EYA4: variants seen among roughly 807,000 people sequenced by gnomAD.
EYA4 encodes EYA transcriptional coactivator and phosphatase 4.
A neutral mutation model predicts 87.9 loss-of-function variants in EYA4; 31 were observed. That is an observed-to-expected ratio of 0.35 (90% CI 0.27 to 0.48). The LOEUF is 0.48. Ranked by LOEUF, EYA4 falls within the 20% of genes least tolerant of loss-of-function variation. The probability of loss-of-function intolerance (pLI) is 0.99; values close to 1 mark genes in which losing one functional copy is unlikely to be tolerated. For synonymous variants in EYA4, 263 were observed against 270.6 expected (o/e 0.97, Z 0.28); for missense variants, 678 against 761.4 (o/e 0.89, Z 1.29).
At chr6:133,524,499 GTGTTGTCAGT>G (rs764533051) in intron 18 of EYA4, among the ~76,000 whole-genome samples, 9 of 152,172 alleles carry the variant, frequency 5.9e-5, no homozygotes, top group Non-Finnish European at 1.0e-4. Flanking sequence ...GAGGATACCA[GTGTTGTCAGT>G]ACTGTGGCCC....
In EYA4 at chr6:133,456,665, G is replaced by T; in HGVS notation, c.370+17G>T. On this transcript the variant is annotated intron_variant, in intron 6 of 19. Transcript: ENST00000355286. ...CTGGGTCAGGTAAAGCCTTTAGCTC[G>T]TGTGTCCTTACGTACACATGGGGGT... The T allele has an allele frequency of 6.6e-7, 1 of 1,524,376 alleles. No homozygotes were observed. Among genetic ancestry groups the T allele is most frequent in the Non-Finnish European group, 9.1e-7 (1 of 1,098,294 alleles). The allele number at this position is 1,524,376 out of a possible 1,614,324, so 94.4% of individuals were successfully genotyped here.
rs147143364 is a variant in EYA4, at chr6:133,432,619, A to T, written c.84-14011A>T. On this transcript the variant is annotated intron_variant, in intron 3 of 19. Coordinates refer to ENST00000355286, the MANE Select transcript of EYA4 (RefSeq NM_004100.5). ...CAACTTCAACCATTGCTTGCTATGGAGTGGAACTTTAATGGCTCCTATTCA... is the reference window on the plus strand; with the variant it reads ...CAACTTCAACCATTGCTTGCTATGGTGTGGAACTTTAATGGCTCCTATTCA... 1.7e-3 allele frequency among the ~76,000 whole-genome samples: 259 copies of T among 152,036 alleles called. 1 individual carries two copies. Among genetic ancestry groups the T allele is most frequent in the Non-Finnish European group, 2.4e-3 (166 of 67,978 alleles).
chr6:133,432,956 C>T (rs1791321716), intron 3 of EYA4, among the ~76,000 whole-genome samples: 1 of 152,178 alleles, frequency 6.6e-6, no homozygotes, highest in South Asian at 2.1e-4. Flanking sequence ...AACCCATCTA[C>T]ACACACCCAT....
At chr6:133,481,228 C>T (rs951327294) in intron 11 of EYA4, among the ~76,000 whole-genome samples, 11 of 152,068 alleles carry the variant, frequency 7.2e-5, no homozygotes, top group African/African-American at 2.4e-4. Context: ...AAGTTGAAGG[C>T]GTATGGTGTA....
intron 13 of EYA4, among the ~76,000 whole-genome samples, chr6:133,504,264 T>C (rs1798393991): frequency 6.6e-6 from 1 of 152,204 alleles, no homozygotes; most frequent in African/African-American, 2.4e-5. Flanking sequence ...ATTTGTTGGC[T>C]AAAACAGAAC....
chr6:133,358,051 A>C (rs942677451), intron 2 of EYA4, among the ~76,000 whole-genome samples: 1 of 152,154 alleles, frequency 6.6e-6, no homozygotes, highest in African/African-American at 2.4e-5. Context: ...GCAAATGTTA[A>C]AGGAAAACAA....
intron 1 of EYA4, among the ~76,000 whole-genome samples, chr6:133,262,872 C>T (rs980207776): frequency 1.3e-5 from 2 of 152,208 alleles, no homozygotes; most frequent in African/African-American, 4.8e-5. Flanking sequence ...GCAAGGTGCT[C>T]ATTACTATTC....
chr6:133,499,124 G>T (rs1797887862), intron 13 of EYA4, among the ~76,000 whole-genome samples: 1 of 152,126 alleles, frequency 6.6e-6, no homozygotes, highest in Admixed American at 6.6e-5. Context: ...CAGTTCCTTT[G>T]ATCTCAGTTG....
chr6:133,250,882 TG>T (rs1427956676), intron 1 of EYA4, among the ~76,000 whole-genome samples: 3 of 152,184 alleles, frequency 2.0e-5, no homozygotes, highest in Admixed American at 6.5e-5. Context: ...TTACTATGAT[TG>T]GGTATCTTTC....
intron 3 of EYA4, among the ~76,000 whole-genome samples, chr6:133,389,322 C>T (rs550578281): frequency 6.6e-6 from 1 of 152,300 alleles, no homozygotes; most frequent in South Asian, 2.1e-4. Context: ...ATCCAGCCAA[C>T]TAGTCCAGCC....
intron 2 of EYA4, among the ~76,000 whole-genome samples, chr6:133,380,542 G>T (rs116784888): frequency 6.0e-4 from 92 of 152,290 alleles, no homozygotes; most frequent in African/African-American, 2.1e-3. Flanking sequence ...TCCTCAGCCA[G>T]TCCCAAGGTC....
intron 3 of EYA4, among the ~76,000 whole-genome samples, chr6:133,399,091 C>T (rs1401643623): frequency 2.0e-5 from 3 of 152,140 alleles, no homozygotes; most frequent in Non-Finnish European, 4.4e-5. Context: ...TGCTGGTGCC[C>T]ACACTGGATC....
chr6:133,467,466 A>T (rs1311166816), intron 10 of EYA4, among the ~76,000 whole-genome samples: 1 of 152,030 alleles, frequency 6.6e-6, no homozygotes, highest in Non-Finnish European at 1.5e-5. Flanking sequence ...ATTTGCTACC[A>T]CTGTTTTACT....
At chr6:133,299,864 G>A (rs1041648463) in intron 2 of EYA4, among the ~76,000 whole-genome samples, 10 of 151,008 alleles carry the variant, frequency 6.6e-5, no homozygotes, top group African/African-American at 1.5e-4. Flanking sequence ...GGGGATTGGG[G>A]TGCTAACTTT....
At chr6:133,289,312 A>G (rs775256917) in intron 2 of EYA4, among the ~76,000 whole-genome samples, 2 of 152,198 alleles carry the variant, frequency 1.3e-5, no homozygotes, top group Non-Finnish European at 2.9e-5. Context: ...TTGTCCAGGC[A>G]AGATCAGGAA....
At chr6:133,519,821 G>A (rs1438457638) in intron 17 of EYA4, among the ~76,000 whole-genome samples, 1 of 150,360 alleles carries the variant, frequency 6.7e-6, no homozygotes, top group African/African-American at 2.5e-5. Flanking sequence ...TTCATCCCTG[G>A]GATGCAAGGC....
chr6:133,310,421 T>C (rs550022214), intron 2 of EYA4, among the ~76,000 whole-genome samples: 1 of 152,218 alleles, frequency 6.6e-6, no homozygotes, highest in Non-Finnish European at 1.5e-5. Context: ...GCTAATCATT[T>C]GACATATAAT....
chr6:133,319,580 C>T (rs1170425012), intron 2 of EYA4, among the ~76,000 whole-genome samples: 1 of 150,960 alleles, frequency 6.6e-6, no homozygotes, highest in African/African-American at 2.4e-5. Context: ...GCTGTATCAG[C>T]TTTCTTTTGG....
At chr6:133,365,967 T>C (rs535912436) in intron 2 of EYA4, among the ~76,000 whole-genome samples, 2 of 151,938 alleles carry the variant, frequency 1.3e-5, no homozygotes, top group Non-Finnish European at 2.9e-5. Flanking sequence ...TGAAATAGAG[T>C]TGATATAACT....
Sources: gnomAD v4.1 joint callset for allele counts (sites outside exome capture counted in the v4.1 genomes callset) on GRCh38, gnomAD v4.1.1 for gene constraint, MANE v1.5 for transcripts, NCBI Gene and HGNC (gene_info 2026-07-23, HGNC 2026-07-21) for gene names.